WDR44: variants seen among roughly 807,000 people sequenced by gnomAD.
The protein encoded by WDR44 is WD repeat-containing protein 44.
A neutral mutation model predicts 65.7 loss-of-function variants in WDR44; 9 were observed. The observed-to-expected ratio is 0.14, with a 90% CI of 0.08 to 0.24. The LOEUF is 0.24. WDR44 is among the 10% of genes least tolerant of loss of function. The pLI, the probability that WDR44 is intolerant of heterozygous loss-of-function variation, is 1.00. For synonymous variants in WDR44, 220 were observed against 235.2 expected (o/e 0.94, Z 0.59); for missense variants, 425 against 670.9 (o/e 0.63, Z 4.05).
chrX:118,421,006 T>G (rs1056053642), intron 12 of WDR44, among the ~76,000 whole-genome samples: 3 of 111,767 alleles, frequency 2.7e-5, no homozygotes, highest in African/African-American at 9.8e-5. Context: ...CATAATCATG[T>G]TGAATTCCTG....
intron 1 of WDR44, among the ~76,000 whole-genome samples, chrX:118,356,621 T>C (rs1464033342): frequency 9.1e-6 from 1 of 109,487 alleles, no homozygotes; most frequent in Non-Finnish European, 1.9e-5. Flanking sequence ...CAAACCTCTA[T>C]TGGCTTTCAA....
intron 1 of WDR44, 142 bp from the exon 2 acceptor site, chrX:118,378,277 A>T: frequency 2.0e-6 from 1 of 491,419 alleles, no homozygotes; most frequent in South Asian, 4.6e-5. Flanking sequence ...TGTTTTCCAC[A>T]TTTTCTACGT....
chrX:118,346,653 C>A (rs1442664573), intron 1 of WDR44, 73 bp downstream of exon 1: 2 of 841,267 alleles, frequency 2.4e-6, no homozygotes, highest in Non-Finnish European at 3.3e-6. Context: ...TCCCCCTACA[C>A]CCCTCCCAGG....
chrX:118,349,739 G>A (rs903797479), intron 1 of WDR44, among the ~76,000 whole-genome samples: 3 of 110,362 alleles, frequency 2.7e-5, no homozygotes, highest in African/African-American at 6.6e-5. Flanking sequence ...TAGGAGAGAC[G>A]GGGTTTCACC....
chrX:118,440,949 C>CTT (rs1214126337), intron 14 of WDR44, among the ~76,000 whole-genome samples: 2,844 of 50,309 alleles, frequency 0.057, 724 homozygotes, highest in African/African-American at 0.2. Context: ...TAAATGAAAT[C>CTT]TTTTTTTTTT....
At chrX:118,404,213 A>G (rs1038006346) in intron 8 of WDR44, 125 bp from the exon 9 acceptor site, 1 of 465,026 alleles carries the variant, frequency 2.2e-6, no homozygotes, top group Non-Finnish European at 3.7e-6. Flanking sequence ...TCAAACACCT[A>G]TTATTTATGT....
At chrX:118,369,802 C>T (rs998554097) in intron 1 of WDR44, among the ~76,000 whole-genome samples, 1 of 111,984 alleles carries the variant, frequency 8.9e-6, no homozygotes, top group Non-Finnish European at 1.9e-5. Context: ...GGATATAATG[C>T]ATTAAAATGT....
At chrX:118,420,557 G>A (rs953600036) in intron 12 of WDR44, among the ~76,000 whole-genome samples, 2 of 111,625 alleles carry the variant, frequency 1.8e-5, no homozygotes, top group Non-Finnish European at 3.8e-5. Context: ...CCAGCCTTGC[G>A]GTTTAAAATC....
chrX:118,375,349 C>T (rs1986585), intron 1 of WDR44, among the ~76,000 whole-genome samples: 28,680 of 108,237 alleles, frequency 0.26, 3,174 homozygotes, highest in African/African-American at 0.39. Context: ...AGGTGATTGG[C>T]ATCCTGAATT....
intron 19 of WDR44, 129 bp downstream of exon 19, chrX:118,444,623 C>A: frequency 1.2e-6 from 1 of 821,874 alleles, no homozygotes; most frequent in East Asian, 3.7e-5. Context: ...AAGACAGGGT[C>A]TTGCTCTGTC....
chrX:118,439,855 C>T (rs2147751535), intron 14 of WDR44, among the ~76,000 whole-genome samples: 1 of 109,065 alleles, frequency 9.2e-6, no homozygotes, highest in East Asian at 2.9e-4. Context: ...TATGGTGGCT[C>T]ACTCCTATAA....
chrX:118,419,610 C>T (rs1210449220), intron 12 of WDR44, among the ~76,000 whole-genome samples: 2 of 111,736 alleles, frequency 1.8e-5, no homozygotes, highest in African/African-American at 6.5e-5. Context: ...TTCTTTCTTG[C>T]AGTCGATCTG....
At chrX:118,417,732 G>A (rs773983886) in intron 12 of WDR44, among the ~76,000 whole-genome samples, 4 of 111,783 alleles carry the variant, frequency 3.6e-5, no homozygotes, top group Admixed American at 9.6e-5. Flanking sequence ...TCTAGATCTC[G>A]AGCAAGGCCG....
rs759567042 is a variant in WDR44 at position 118,358,951 on chromosome X, G to GC, written c.77+12372dup. Among the ~76,000 whole-genome samples the GC allele has an allele frequency of 1.2e-4, 13 of 109,783 alleles. No homozygotes were observed. The East Asian group carries it at 3.8e-3, about 32-fold the overall frequency. Reference sequence around the variant, plus strand: ...TAGCCGGGCATGGTAGCACACAGGAGCTCCTCCAGCTACTCGGTAGACTGA... The same window carrying GC: ...TAGCCGGGCATGGTAGCACACAGGAGCCTCCTCCAGCTACTCGGTAGACTGA... On this transcript the variant is annotated intron_variant, in intron 1 of 19. Coordinates refer to ENST00000254029, the MANE Select transcript of WDR44 (RefSeq NM_019045.5).
chrX:118,383,878 C>CT (rs549809406), intron 2 of WDR44, among the ~76,000 whole-genome samples: 4,295 of 69,785 alleles, frequency 0.062, 403 homozygotes, highest in East Asian at 0.2. Flanking sequence ...TTTTTAATTT[C>CT]TTTTTTTTTT....
At chrX:118,440,224 C>T (rs778177619) in intron 14 of WDR44, among the ~76,000 whole-genome samples, 2 of 110,240 alleles carry the variant, frequency 1.8e-5, no homozygotes, top group South Asian at 7.9e-4. Context: ...TTTCTCAATC[C>T]TAGTACTATT....
chrX:118,357,361 C>T (rs896714977), intron 1 of WDR44, among the ~76,000 whole-genome samples: 3 of 111,548 alleles, frequency 2.7e-5, no homozygotes, highest in African/African-American at 9.8e-5. Context: ...AAGATAATAA[C>T]AGTAGGTTTT....
At chrX:118,349,988 G>A (rs1369626153) in intron 1 of WDR44, among the ~76,000 whole-genome samples, 1 of 108,860 alleles carries the variant, frequency 9.2e-6, no homozygotes, top group Non-Finnish European at 1.9e-5. Context: ...GGCGATGAGA[G>A]CAGTGACAGA....
intron 12 of WDR44, among the ~76,000 whole-genome samples, chrX:118,425,196 T>G (rs1358271695): frequency 9.0e-6 from 1 of 111,438 alleles, no homozygotes; most frequent in East Asian, 2.8e-4. Context: ...AAGGAAAACA[T>G]AGAGATGTCG....
Sources: gnomAD v4.1 joint callset for allele counts (sites outside exome capture counted in the v4.1 genomes callset) on GRCh38, gnomAD v4.1.1 for gene constraint, MANE v1.5 for transcripts, NCBI Gene and HGNC (gene_info 2026-07-23, HGNC 2026-07-21) for gene names.